Variants in SLC20A2 observed in about 807,000 individuals in gnomAD.
SLC20A2 encodes the protein solute carrier family 20 member 2.
A neutral mutation model predicts 61.0 loss-of-function variants in SLC20A2; 30 were observed. That is an observed-to-expected ratio of 0.49 (90% CI 0.37 to 0.67). The LOEUF is 0.67. Ranked by LOEUF, SLC20A2 falls within the 30% of genes least tolerant of loss-of-function variation. SLC20A2 has a pLI of 0.00. For synonymous variants in SLC20A2, 351 were observed against 353.3 expected, an observed-to-expected ratio of 0.99 and a Z score of 0.07; for missense variants, 626 against 866.4, an observed-to-expected ratio of 0.72 and a Z score of 3.48.
chr8:42,441,127 T>C, intron 6 of SLC20A2, among the ~76,000 whole-genome samples: 1 of 151,342 alleles, frequency 6.6e-6, no homozygotes, highest in East Asian at 1.9e-4. Flanking sequence ...GAAGTGTCTA[T>C]TCAAATATTT....
rs1170751054 is a variant in SLC20A2, at chr8:42,464,092, C to CTTTTTTTTTTTTTTT, written c.431-1017_431-1003dup. ...CTTCCCAAAGGGCAGGCTGGATGAT[C>CTTTTTTTTTTTTTTT]TTTTTTTTTTTTTTTTTTTTTTTTT... On this transcript the variant is annotated intron_variant, in intron 3 of 10. Transcript: ENST00000520262. Among the ~76,000 whole-genome samples the CTTTTTTTTTTTTTTT allele has an allele frequency of 5.3e-3, 108 of 20,548 alleles. 42 individuals are homozygous for CTTTTTTTTTTTTTTT. Among genetic ancestry groups the CTTTTTTTTTTTTTTT allele is most frequent in the Admixed American group, 0.011 (10 of 890 alleles). The allele number at this position is 20,548 out of a possible 152,430, so 13.5% of individuals were successfully genotyped here.
At chr8:42,511,835 C>T (rs181391600) in intron 1 of SLC20A2, among the ~76,000 whole-genome samples, 119 of 151,978 alleles carry the variant, frequency 7.8e-4, no homozygotes, top group African/African-American at 2.8e-3. Context: ...AATGAGTGTT[C>T]GTTTTCAAAG....
At chr8:42,505,879 A>C (rs1810661223), upstream of SLC20A2, among the ~76,000 whole-genome samples, 1 of 150,924 alleles carries the variant, frequency 6.6e-6, no homozygotes, top group African/African-American at 2.4e-5. Context: ...ACAGAGTGAG[A>C]CTCTATCTCA....
intron 1 of SLC20A2, among the ~76,000 whole-genome samples, chr8:42,526,097 G>A (rs1811916209): frequency 6.6e-6 from 1 of 152,174 alleles, no homozygotes; most frequent in Admixed American, 6.5e-5. Flanking sequence ...AAACAGGTAA[G>A]AAGGAGGAAC....
chr8:42,426,131 ATC>A (rs991209328), intron 10 of SLC20A2, among the ~76,000 whole-genome samples: 31 of 152,354 alleles, frequency 2.0e-4, no homozygotes, highest in Admixed American at 1.8e-3. Context: ...CTGGATGTAA[ATC>A]TCTTAGTCAC....
intron 2 of SLC20A2, among the ~76,000 whole-genome samples, chr8:42,469,465 G>T (rs1807450253): frequency 6.6e-6 from 1 of 152,174 alleles, no homozygotes; most frequent in Non-Finnish European, 1.5e-5. Context: ...AACGCCAGGG[G>T]TGGGGAACGG....
At chr8:42,464,283 CTTTTT>C (rs1190927976) in intron 3 of SLC20A2, among the ~76,000 whole-genome samples, 1 of 128,540 alleles carries the variant, frequency 7.8e-6, no homozygotes, top group Non-Finnish European at 1.7e-5. Context: ...AATTTTCTTT[CTTTTT>C]TTTTTTTTTT....
chr8:42,453,973 G>A (rs1009767779), intron 5 of SLC20A2, among the ~76,000 whole-genome samples: 6 of 152,090 alleles, frequency 3.9e-5, no homozygotes, highest in African/African-American at 1.4e-4. Context: ...GCCAACTTAA[G>A]GGACTTGAAT....
At chr8:42,541,666 G>C (rs1813184272) in intron 1 of SLC20A2, 2 of 149,816 alleles carry the variant, frequency 1.3e-5, no homozygotes, top group African/African-American at 2.4e-5. Context: ...GCCCCGGAGC[G>C]GAGCAGCGCT....
intron 8 of SLC20A2, among the ~76,000 whole-genome samples, chr8:42,434,300 T>C (rs1804077443): frequency 1.3e-5 from 2 of 152,220 alleles, no homozygotes; most frequent in South Asian, 4.1e-4. Flanking sequence ...TTGTCCAGGC[T>C]GGTCTTGAAC....
At chr8:42,530,463 A>T (rs1314883438) in intron 1 of SLC20A2, among the ~76,000 whole-genome samples, 1 of 152,198 alleles carries the variant, frequency 6.6e-6, no homozygotes, top group African/African-American at 2.4e-5. Context: ...CTGTATCCAT[A>T]AATTTTACTC....
chr8:42,533,484 C>T (rs540947524), intron 1 of SLC20A2, among the ~76,000 whole-genome samples: 1 of 151,788 alleles, frequency 6.6e-6, no homozygotes, highest in South Asian at 2.1e-4. Context: ...GGCTTAGTGG[C>T]GCATGCCTGT....
At position 42,437,372 on chromosome 8, in the gene SLC20A2, C is replaced by A. The variant is rs1392427650; in HGVS notation, c.1140G>T (p.Leu380=). The change falls in exon 8 of 11, where the codon CTG becomes CTT. Residue 380 remains leucine, a synonymous_variant. Transcript: ENST00000520262. This position sits in a 1 kb window ranked among gnomAD's most constrained non-coding sequence, Gnocchi z 6.4. ...KPAQESNYRL[L]RRNNSYTCYT... is the part of the protein sequence containing the mutation. ...AGCAGGTGTAACTGTTGTTTCGGCG[C>A]AGCAGCCGGTAGTTGCTTTCCTGGG... is the stretch of plus-strand genomic sequence containing the variant. 2 of 1,614,046 alleles carry A rather than the reference C, an allele frequency of 1.2e-6. No homozygotes were observed. The highest frequency in any genetic ancestry group is 1.7e-6 in the Non-Finnish European group (2 of 1,180,032).
intron 1 of SLC20A2, among the ~76,000 whole-genome samples, chr8:42,526,565 C>G (rs537601366): frequency 6.6e-6 from 1 of 150,606 alleles, no homozygotes; most frequent in South Asian, 2.1e-4. Flanking sequence ...CTCAGCTACT[C>G]GGGAGGCTGA....
chr8:42,443,221 G>A (rs1211448747), intron 6 of SLC20A2, among the ~76,000 whole-genome samples: 2 of 127,176 alleles, frequency 1.6e-5, no homozygotes, highest in African/African-American at 5.8e-5. Flanking sequence ...TTATACCACA[G>A]TATAATTATT....
chr8:42,465,959 G>C (rs1212560876), intron 2 of SLC20A2, 42 bp from the exon 3 acceptor site: 3 of 1,552,428 alleles, frequency 1.9e-6, no homozygotes, highest in Non-Finnish European at 2.6e-6. Flanking sequence ...ACAGAGTACA[G>C]AGGTGCAGAC....
chr8:42,469,447 A>G (rs1807448349), intron 2 of SLC20A2, among the ~76,000 whole-genome samples: 1 of 152,238 alleles, frequency 6.6e-6, no homozygotes, highest in Admixed American at 6.5e-5. Context: ...TCTTTCAGTA[A>G]AGAGCCAAAC....
intron 5 of SLC20A2, among the ~76,000 whole-genome samples, chr8:42,457,950 T>G (rs970150159): frequency 2.0e-5 from 3 of 152,194 alleles, no homozygotes; most frequent in Admixed American, 2.0e-4. Context: ...CATTGAGAAC[T>G]CCTAGTTTGA....
intron 1 of SLC20A2, among the ~76,000 whole-genome samples, chr8:42,536,989 T>TG (rs1014993010): frequency 3.2e-4 from 48 of 151,628 alleles, no homozygotes; most frequent in African/African-American, 1.1e-3. Flanking sequence ...GCAGAAGAAT[T>TG]GCTTGAATCC....
Sources: gnomAD v4.1 joint callset for allele counts (sites outside exome capture counted in the v4.1 genomes callset) on GRCh38, gnomAD v4.1.1 for gene constraint, Gnocchi (gnomAD v3.1) non-coding constraint, MANE v1.5 for transcripts, NCBI Gene and HGNC (gene_info 2026-07-23, HGNC 2026-07-21) for gene names.